Variants in NR5A2 observed in about 807,000 individuals in gnomAD.
NR5A2 encodes nuclear receptor subfamily 5 group A member 2.
Under a neutral mutation model 62.7 loss-of-function variants are expected in NR5A2, and 26 were observed. That is an observed-to-expected ratio of 0.41 (90% CI 0.30 to 0.58). NR5A2 has a LOEUF of 0.58. NR5A2 is among the 20% of genes least tolerant of loss of function. The pLI is 0.22. For synonymous variants in NR5A2, 246 were observed against 241.7 expected (o/e 1.02, Z -0.16); for missense variants, 541 against 669.1 (o/e 0.81, Z 2.11).
At position 200,039,649 on chromosome 1, in the gene NR5A2, C is replaced by A. The variant is rs759075355; in HGVS notation, c.65-9C>A. On this transcript the variant is annotated splice_polypyrimidine_tract_variant and intron_variant, in intron 1 of 7. Coordinates refer to ENST00000367362, the MANE Select transcript of NR5A2 (RefSeq NM_205860.3). This position sits in a 1 kb window ranked among gnomAD's most constrained non-coding sequence, Gnocchi z 5.1. ...TCGCCGGAGTTGAATCTGTGCTGCC[C>A]GTGTCCAGGTGCTGGGCTTCCGGAC... 2 of 1,611,426 alleles carry A rather than the reference C, an allele frequency of 1.2e-6. No homozygotes were observed. The highest frequency in any genetic ancestry group is 2.2e-5 in the South Asian group (2 of 90,990).
At position 200,121,505 on chromosome 1, in the gene NR5A2, A is replaced by C. The variant is rs1666479408; in HGVS notation, c.1378+550A>C. ...AAGGGGAAAGGATGATTCTTTAGGA[A>C]AGCTTTGGAAAAGAAAGATAACTAA... On this transcript the variant is annotated intron_variant, in intron 7 of 7. Coordinates refer to ENST00000367362, the MANE Select transcript of NR5A2 (RefSeq NM_205860.3). Among the ~76,000 whole-genome samples the C allele has an allele frequency of 2.6e-5, 4 of 152,220 alleles. No individual in the cohort carries two copies. The South Asian group carries it at 8.3e-4, about 32-fold the overall frequency.
intron 5 of NR5A2, among the ~76,000 whole-genome samples, chr1:200,074,755 A>AAAAAAAAAAAAAAAAAAAAAAAC (rs1663944888): frequency 6.8e-6 from 1 of 146,734 alleles, no homozygotes; most frequent in African/African-American, 2.5e-5. Flanking sequence ...AAAAAAAAAA[A>AAAAAAAAAAAAAAAAAAAAAAAC]ACACGAGAGA....
intron 5 of NR5A2, among the ~76,000 whole-genome samples, chr1:200,105,506 G>A (rs1021647272): frequency 1.3e-5 from 2 of 151,950 alleles, no homozygotes; most frequent in Non-Finnish European, 2.9e-5. Context: ...ATGAAGGCAG[G>A]GATTGTATTT....
At chr1:200,032,982 A>C (rs1298762413) in intron 1 of NR5A2, among the ~76,000 whole-genome samples, 2 of 152,222 alleles carry the variant, frequency 1.3e-5, no homozygotes, top group African/African-American at 2.4e-5. Context: ...GTGGCTTTTT[A>C]ATCTTCATTT....
intron 7 of NR5A2, among the ~76,000 whole-genome samples, chr1:200,168,057 A>G (rs1653989209): frequency 6.6e-6 from 1 of 152,188 alleles, no homozygotes; most frequent in Admixed American, 6.6e-5. Context: ...AAATGAATGA[A>G]TGAATGAATG....
At chr1:200,162,163 G>A (rs1236432107) in intron 7 of NR5A2, among the ~76,000 whole-genome samples, 1 of 152,192 alleles carries the variant, frequency 6.6e-6, no homozygotes, top group Non-Finnish European at 1.5e-5. Flanking sequence ...GCCTGGGAAA[G>A]GTTATAATTA....
At chr1:200,061,661 G>T (rs1663227270) in intron 5 of NR5A2, among the ~76,000 whole-genome samples, 1 of 152,132 alleles carries the variant, frequency 6.6e-6, no homozygotes, top group African/African-American at 2.4e-5. Flanking sequence ...GGAATAATTG[G>T]CCAATAGGTC....
rs1344445118 is a variant in NR5A2 at position 200,174,255 on chromosome 1, G to C, written c.*45G>C. On this transcript the variant is annotated 3_prime_UTR_variant, in exon 8 of 8. Coordinates refer to ENST00000367362, the MANE Select transcript of NR5A2 (RefSeq NM_205860.3). ...CTGCTTTCAAAACAAAAAGAGATTGGGGGAGTGGGGAGGGGGAAGAAGAAC... is the reference window on the plus strand; with the variant it reads ...CTGCTTTCAAAACAAAAAGAGATTGCGGGAGTGGGGAGGGGGAAGAAGAAC... The C allele has an allele frequency of 6.8e-7, 1 of 1,472,250 alleles. No individual in the cohort carries two copies. The highest frequency in any genetic ancestry group is 9.0e-7 in the Non-Finnish European group (1 of 1,110,290). 91.2% of individuals were successfully genotyped at this position (1,472,250 alleles called of 1,614,324 possible).
chr1:200,153,801 G>A (rs570705831), intron 7 of NR5A2, among the ~76,000 whole-genome samples: 8 of 152,048 alleles, frequency 5.3e-5, no homozygotes, highest in African/African-American at 1.9e-4. Flanking sequence ...GGTATGGAGG[G>A]GGAGATAGAG....
chr1:200,172,553 C>T (rs1360974281), intron 7 of NR5A2, among the ~76,000 whole-genome samples: 1 of 152,214 alleles, frequency 6.6e-6, no homozygotes, highest in Non-Finnish European at 1.5e-5. Context: ...TATTTCAGTA[C>T]TAATTCCTCA....
At chr1:200,114,836 G>A (rs768499520) in intron 6 of NR5A2, among the ~76,000 whole-genome samples, 16 of 152,146 alleles carry the variant, frequency 1.1e-4, no homozygotes, top group South Asian at 2.1e-4. Flanking sequence ...TGGTCAGATC[G>A]AGGCCAACTA....
At chr1:200,103,535 C>T (rs1458700751) in intron 5 of NR5A2, among the ~76,000 whole-genome samples, 1 of 151,960 alleles carries the variant, frequency 6.6e-6, no homozygotes, top group Non-Finnish European at 1.5e-5. Flanking sequence ...CAATGCTTAC[C>T]AAAGAACTAG....
intron 1 of NR5A2, among the ~76,000 whole-genome samples, chr1:200,032,520 A>G (rs1303269267): frequency 6.6e-6 from 1 of 152,242 alleles, no homozygotes; most frequent in Non-Finnish European, 1.5e-5. Flanking sequence ...ATTGTCCCCA[A>G]GGACTTTGTC....
At chr1:200,100,804 G>A (rs1665329839) in intron 5 of NR5A2, among the ~76,000 whole-genome samples, 1 of 152,200 alleles carries the variant, frequency 6.6e-6, no homozygotes, top group African/African-American at 2.4e-5. Context: ...AGTAGTAGGA[G>A]AAGATGTTTT....
intron 5 of NR5A2, among the ~76,000 whole-genome samples, chr1:200,051,675 C>CA (rs200889468): frequency 6.6e-6 from 1 of 152,048 alleles, no homozygotes; most frequent in Non-Finnish European, 1.5e-5. Context: ...TTTTGGTGAA[C>CA]AAAGAGTAGA....
intron 5 of NR5A2, among the ~76,000 whole-genome samples, chr1:200,080,698 C>T (rs1191523100): frequency 1.3e-5 from 2 of 152,168 alleles, no homozygotes; most frequent in Admixed American, 1.3e-4. Flanking sequence ...AAATTCTTCA[C>T]CTGGAGAAAC....
At chr1:200,051,436 C>G (rs183016681) in intron 5 of NR5A2, among the ~76,000 whole-genome samples, 1 of 152,094 alleles carries the variant, frequency 6.6e-6, no homozygotes, top group Non-Finnish European at 1.5e-5. Flanking sequence ...TTGGCTAAAA[C>G]ATAAATATCT....
At position 200,157,076 on chromosome 1, in the gene NR5A2, C is replaced by T. The variant is rs548673433; in HGVS notation, c.1379-16887C>T. Among the ~76,000 whole-genome samples the T allele has an allele frequency of 3.9e-4, 60 of 152,248 alleles. No homozygotes were observed. The East Asian group carries it at 0.011, about 29-fold the overall frequency. On this transcript the variant is annotated intron_variant, in intron 7 of 7. Transcript: ENST00000367362. ...GACTTCAAAGGTGGAAGAGATATTTCTTGTTCAATTAAGTCATCATTGCAG... is the reference window on the plus strand; with the variant it reads ...GACTTCAAAGGTGGAAGAGATATTTTTTGTTCAATTAAGTCATCATTGCAG...
chr1:200,050,018 T>C (rs1662552334), intron 5 of NR5A2, among the ~76,000 whole-genome samples: 1 of 152,214 alleles, frequency 6.6e-6, no homozygotes, highest in Non-Finnish European at 1.5e-5. Flanking sequence ...GTTAAGACTG[T>C]GGACACATCC....
Sources: allele counts gnomAD v4.1 joint callset (sites outside exome capture counted in the v4.1 genomes callset), GRCh38; gene constraint gnomAD v4.1.1; non-coding constraint Gnocchi (gnomAD v3.1); transcripts MANE v1.5; gene names NCBI Gene and HGNC (gene_info 2026-07-23, HGNC 2026-07-21).